The following AARSD1 variants were observed in gnomAD, a reference collection of about 807,000 sequenced individuals.
AARSD1 encodes alanyl-tRNA editing protein Aarsd1.
In AARSD1, 44 loss-of-function variants were observed where a neutral mutation model predicts 48.7. The ratio of observed to expected loss-of-function variants is 0.90; its 90% CI spans 0.71 to 1.16. The LOEUF is 1.16. AARSD1 is among the 50% of genes most tolerant of loss of function. AARSD1 has a pLI of 0.00. For missense variants in AARSD1, 511 were observed against 523.1 expected, an observed-to-expected ratio of 0.98 and a Z score of 0.23; for synonymous variants, 189 against 194.9, an observed-to-expected ratio of 0.97 and a Z score of 0.25.
intron 10 of AARSD1, among the ~76,000 whole-genome samples, chr17:42,953,024 T>A (rs1015647524): frequency 6.6e-6 from 1 of 151,964 alleles, no homozygotes; most frequent in African/African-American, 2.4e-5. Flanking sequence ...CTGTAGCCCA[T>A]GCTAGAGTGC....
chr17:42,964,111 C>A lies in AARSD1; in HGVS notation c.166G>T (p.Gly56Ter), dbSNP rs1378588436. The A allele has an allele frequency of 6.2e-7, 1 of 1,614,144 alleles. No homozygotes were observed. Among genetic ancestry groups the A allele is most frequent in the Admixed American group, 1.7e-5 (1 of 60,012 alleles). The change falls in exon 2 of 12, where the codon GGA becomes TGA. Residue 56 changes from glycine (G) to a stop codon, truncating the protein, a stop_gained. Transcript: ENST00000427569. LOFTEE classifies it high-confidence loss of function. The part of the protein sequence containing the change: ...EDTVLFPEGG[G>*]QPDDRGTIND... ...GGAAGAGATCGTTTTGGTACCTGTCCCCCGCCCTCAGGGAAAAGCACTGTG... is the reference window on the plus strand; with the variant it reads ...GGAAGAGATCGTTTTGGTACCTGTCACCCGCCCTCAGGGAAAAGCACTGTG...
rs1597717986 is a variant in AARSD1 at position 42,960,962 on chromosome 17, G to A, written c.331+230C>T. On this transcript the variant is annotated intron_variant, in intron 3 of 11. Transcript: ENST00000427569. ...ACATCCAGATGGAGATATCGAGTGG[G>A]AAGTTGATAATACCTAAATCCAGCA... is the stretch of plus-strand genomic sequence containing the variant. 22 of 615,196 alleles carry A rather than the reference G, an allele frequency of 3.6e-5. No individual in the cohort carries two copies. The East Asian group carries it at 8.0e-4, about 22-fold the overall frequency. 38.1% of individuals were successfully genotyped at this position (615,196 alleles called of 1,614,324 possible). A position where few individuals can be genotyped will look rare whatever the true frequency, so the allele number is the denominator to read the frequency against.
intron 7 of AARSD1, 155 bp from the exon 8 acceptor site, chr17:42,955,379 C>T: frequency 1.3e-6 from 1 of 750,848 alleles, no homozygotes; most frequent in Non-Finnish European, 2.0e-6. Context: ...TGGGAGAAAA[C>T]ATACAAAGGA....
intron 3 of AARSD1, among the ~76,000 whole-genome samples, chr17:42,959,751 C>T (rs1264931284): frequency 6.6e-6 from 1 of 151,732 alleles, no homozygotes; most frequent in East Asian, 2.0e-4. Flanking sequence ...GCAACCTCCA[C>T]CTCCCAGGTT....
rs1427805689 is a variant in AARSD1 at position 42,957,131 on chromosome 17, C to T, written c.389+7G>A. 1.2e-6 allele frequency: 2 copies of T among 1,613,482 alleles called. No individual in the cohort carries two copies. The highest frequency in any genetic ancestry group is 1.7e-6 in the Non-Finnish European group (2 of 1,179,748). ...TGCCTACAGTTAGTCTTATGCCTCC[C>T]ACTCACCATGATGTTGTCTTCAGCT... On this transcript the variant is annotated splice_region_variant and intron_variant, in intron 4 of 11. Coordinates refer to ENST00000427569, the MANE Select transcript of AARSD1 (RefSeq NM_001261434.2).
intron 3 of AARSD1, among the ~76,000 whole-genome samples, chr17:42,959,237 G>C (rs893418382): frequency 6.4e-5 from 9 of 140,724 alleles, no homozygotes; most frequent in East Asian, 2.2e-4. Flanking sequence ...TTACTTTTTT[G>C]AGACGGAGTC....
At position 42,959,737 on chromosome 17, in the gene AARSD1, C is replaced by T. The variant is rs369359042; in HGVS notation, c.331+1455G>A. Among the ~76,000 whole-genome samples, 3 of 151,654 alleles carry T rather than the reference C, an allele frequency of 2.0e-5. No homozygotes were observed. In the East Asian group the frequency reaches 5.9e-4, roughly 30 times the overall value. On this transcript the variant is annotated intron_variant, in intron 3 of 11. Transcript: ENST00000427569. ...GGAGTGCAGTGGCGCGATCTCGGCTCACTGCAACCTCCACCTCCCAGGTTA... is the reference window on the plus strand; with the variant it reads ...GGAGTGCAGTGGCGCGATCTCGGCTTACTGCAACCTCCACCTCCCAGGTTA...
At chr17:42,961,012 TCAG>T in intron 3 of AARSD1, 177 bp downstream of exon 3, 1 of 1,033,592 alleles carries the variant, frequency 9.7e-7, no homozygotes, top group Non-Finnish European at 1.3e-6. Flanking sequence ...TTTTTTTACT[TCAG>T]TTGTTCATGT....
Position 42,953,734 on chromosome 17 carries a change from A to G in AARSD1, c.998T>C (p.Ile333Thr). 1 of 1,613,984 alleles carries G rather than the reference A, an allele frequency of 6.2e-7. No individual in the cohort carries two copies. The highest frequency in any genetic ancestry group is 8.5e-7 in the Non-Finnish European group (1 of 1,179,966). Residue 333 changes from isoleucine (I) to threonine (T), a missense_variant, in exon 10 of 12, where the codon ATT (isoleucine) becomes ACT (threonine). Transcript: ENST00000427569. The stretch of plus-strand genomic sequence containing the variant: ...TCATGCTCCTCTTACCTCTGACCCA[A>G]TCTCATTGGCAATGATATTCATGAA... ...SEFMNIIANE[I>T]GSEETLLFLT...
chr17:42,951,545 A>G (rs1217839217), intron 11 of AARSD1, among the ~76,000 whole-genome samples: 1 of 152,174 alleles, frequency 6.6e-6, no homozygotes, highest in African/African-American at 2.4e-5. Context: ...CTAAGACTCC[A>G]TCTCAAAAAA....
chr17:42,960,405 G>A (rs539480892), intron 3 of AARSD1, among the ~76,000 whole-genome samples: 94 of 152,234 alleles, frequency 6.2e-4, no homozygotes, highest in African/African-American at 2.2e-3. Context: ...GGATGACAGT[G>A]ACTGTGGAAA....
At chr17:42,951,716 G>T in intron 11 of AARSD1, 84 bp downstream of exon 11, 2 of 1,434,466 alleles carry the variant, frequency 1.4e-6, no homozygotes, top group Non-Finnish European at 1.9e-6. Flanking sequence ...GATCGCAGAT[G>T]TGATGGTCCT....
In AARSD1 at chr17:42,955,154, T is replaced by A; in HGVS notation, c.861+4A>T. On this transcript the variant is annotated splice_donor_region_variant and intron_variant, in intron 8 of 11. Transcript: ENST00000427569. The stretch of plus-strand genomic sequence containing the variant: ...CCCTCTCTACCCTCCATGGAATAAA[T>A]CACCTTCTGCAGGATCTTGGTGGAG... 1 of 1,614,082 alleles carries A rather than the reference T, an allele frequency of 6.2e-7. No individual in the cohort carries two copies. The highest frequency in any genetic ancestry group is 8.5e-7 in the Non-Finnish European group (1 of 1,180,002).
At chr17:42,961,000 C>CT (rs886439376) in intron 3 of AARSD1, 192 bp downstream of exon 3, 58 of 938,902 alleles carry the variant, frequency 6.2e-5, no homozygotes, top group South Asian at 9.3e-5. Context: ...TATTCTAATA[C>CT]TTTTTTTTAC....
chr17:42,953,600 T>C (rs2049507436), intron 10 of AARSD1, 124 bp downstream of exon 10: 2 of 1,265,784 alleles, frequency 1.6e-6, no homozygotes, highest in Non-Finnish European at 1.1e-6. Flanking sequence ...CAGTATTGAA[T>C]GAATGGCTAT....
intron 2 of AARSD1, 145 bp from the exon 3 acceptor site, chr17:42,961,496 T>C: frequency 8.7e-7 from 1 of 1,149,100 alleles, no homozygotes; most frequent in Non-Finnish European, 1.2e-6. Context: ...TGAGTCCACT[T>C]TGTTCCATGA....
chr17:42,955,020 G>C (rs1567715494), intron 8 of AARSD1, 53 bp from the exon 9 acceptor site: 2 of 1,612,296 alleles, frequency 1.2e-6, no homozygotes, highest in East Asian at 4.5e-5. Context: ...ACAATAGAGA[G>C]TATCAGCTTC....
chr17:42,955,700 C>T, intron 7 of AARSD1, 142 bp downstream of exon 7: 2 of 1,460,288 alleles, frequency 1.4e-6, no homozygotes, highest in Non-Finnish European at 1.8e-6. Context: ...CTCGGCCTCC[C>T]AAAGTGCTGG....
chr17:42,957,338 T>C, intron 3 of AARSD1, 143 bp from the exon 4 acceptor site: 1 of 988,930 alleles, frequency 1.0e-6, no homozygotes, highest in Non-Finnish European at 1.4e-6. Context: ...CTTTAGATAC[T>C]TTATTGAAAA....
Sources: gnomAD v4.1 joint callset for allele counts (sites outside exome capture counted in the v4.1 genomes callset) on GRCh38, gnomAD v4.1.1 for gene constraint, MANE v1.5 for transcripts, NCBI Gene and HGNC (gene_info 2026-07-23, HGNC 2026-07-21) for gene names.